Variants in RALYL observed in about 807,000 individuals in gnomAD.
The protein encoded by RALYL is RALY RNA binding protein like, also known as RNA-binding Raly-like protein.
Under a neutral mutation model 35.1 loss-of-function variants are expected in RALYL, and 29 were observed. That is an observed-to-expected ratio of 0.83 (90% CI 0.61 to 1.13). RALYL has a LOEUF of 1.13. Among genes scored for constraint, RALYL ranks in the 50% most tolerant of loss-of-function variants. RALYL has a pLI of 0.00. For missense variants in RALYL, 359 were observed against 360.4 expected (o/e 1.00, Z 0.03); for synonymous variants, 120 against 127.6 (o/e 0.94, Z 0.40).
At chr8:84,436,814 T>C (rs2047781706) in intron 1 of RALYL, among the ~76,000 whole-genome samples, 1 of 151,386 alleles carries the variant, frequency 6.6e-6, no homozygotes, top group Non-Finnish European at 1.5e-5. Context: ...TCTCCTATTT[T>C]GTTGTAAGGA....
At chr8:84,457,661 C>A (rs867401135) in intron 1 of RALYL, among the ~76,000 whole-genome samples, 2 of 151,776 alleles carry the variant, frequency 1.3e-5, no homozygotes, top group Admixed American at 6.6e-5. Flanking sequence ...CTTGTCTTAA[C>A]CTCAGTATTA....
chr8:84,347,575 C>A (rs370003796), intron 1 of RALYL, among the ~76,000 whole-genome samples: 16 of 152,206 alleles, frequency 1.1e-4, no homozygotes, highest in African/African-American at 3.6e-4. Flanking sequence ...TAGTTTTAAT[C>A]TAATATATCC....
At chr8:84,713,207 G>T (rs1488544118) in intron 2 of RALYL, among the ~76,000 whole-genome samples, 1 of 151,918 alleles carries the variant, frequency 6.6e-6, no homozygotes, top group Non-Finnish European at 1.5e-5. Flanking sequence ...TTATTGAAGA[G>T]ACTATACTTT....
intron 1 of RALYL, among the ~76,000 whole-genome samples, chr8:84,448,047 C>T (rs1402332865): frequency 6.6e-6 from 1 of 151,886 alleles, no homozygotes; most frequent in Non-Finnish European, 1.5e-5. Context: ...ATTTTGTTTA[C>T]TAGATCATTT....
At position 84,559,243 on chromosome 8, in the gene RALYL, TTAATG is replaced by T. The variant is rs1489068011; in HGVS notation, c.256+29670_256+29674del. ...TTTTTAATAGTGGGTTTATAAGTAT[TTAATG>T]TAAGAATTATTTTGAAATCATAAAA... On this transcript the variant is annotated intron_variant, in intron 2 of 8. Coordinates refer to ENST00000521268, the MANE Select transcript of RALYL (RefSeq NM_173848.7). Among the ~76,000 whole-genome samples, 15 of 152,162 alleles carry T rather than the reference TTAATG, an allele frequency of 9.9e-5. No homozygotes were observed. The East Asian group carries it at 2.1e-3, about 22-fold the overall frequency.
chr8:84,825,698 T>C (rs1386572828), intron 4 of RALYL, among the ~76,000 whole-genome samples: 2 of 151,982 alleles, frequency 1.3e-5, no homozygotes, highest in African/African-American at 2.4e-5. Flanking sequence ...TGAAACCCCA[T>C]CTCTACTAAA....
chr8:84,269,897 A>G (rs1833983746), intron 1 of RALYL, among the ~76,000 whole-genome samples: 1 of 152,132 alleles, frequency 6.6e-6, no homozygotes, highest in Non-Finnish European at 1.5e-5. Context: ...ATATTTTAAA[A>G]TTATAGTAGA....
chr8:84,313,005 C>T (rs1368082333), intron 1 of RALYL, among the ~76,000 whole-genome samples: 1 of 152,210 alleles, frequency 6.6e-6, no homozygotes, highest in East Asian at 1.9e-4. Flanking sequence ...CCAGGCATTT[C>T]CATACATCCT....
At chr8:84,332,113 G>A (rs945707054) in intron 1 of RALYL, among the ~76,000 whole-genome samples, 2 of 151,864 alleles carry the variant, frequency 1.3e-5, no homozygotes, top group Admixed American at 1.3e-4. Context: ...TCTTACTGCT[G>A]CAGGCAACGT....
intron 1 of RALYL, among the ~76,000 whole-genome samples, chr8:84,487,406 G>C (rs901731022): frequency 6.6e-6 from 1 of 152,164 alleles, no homozygotes; most frequent in African/African-American, 2.4e-5. Context: ...TACATTTGCA[G>C]AATTCAAGTT....
At chr8:84,478,032 TTATTTA>T (rs530807947) in intron 1 of RALYL, among the ~76,000 whole-genome samples, 12 of 152,132 alleles carry the variant, frequency 7.9e-5, no homozygotes, top group East Asian at 1.9e-4. Context: ...AACAGTATTT[TTATTTA>T]TATTTTTAAT....
In RALYL at chr8:84,294,422, T is replaced by C. The variant is rs112853814; in HGVS notation, c.-24+109998T>C. On this transcript the variant is annotated intron_variant, in intron 1 of 8. Coordinates refer to ENST00000521268, the MANE Select transcript of RALYL (RefSeq NM_173848.7). ...AATGCTTGCTTATTGGTATCTTCAGTTTCATATGAGGATAATAGTAGTATC... is the reference window on the plus strand; with the variant it reads ...AATGCTTGCTTATTGGTATCTTCAGCTTCATATGAGGATAATAGTAGTATC... Among the ~76,000 whole-genome samples the C allele has an allele frequency of 4.2e-4, 64 of 152,262 alleles. 1 individual carries two copies. The highest frequency in any genetic ancestry group is 1.5e-3 in the African/African-American group (63 of 41,564).
intron 1 of RALYL, among the ~76,000 whole-genome samples, chr8:84,254,058 G>A (rs1379176040): frequency 3.3e-5 from 5 of 152,056 alleles, no homozygotes; most frequent in African/African-American, 4.8e-5. Context: ...TCAAGTCCTG[G>A]GGACCGCCAC....
intron 1 of RALYL, among the ~76,000 whole-genome samples, chr8:84,506,060 G>A (rs2057139252): frequency 6.6e-6 from 1 of 151,920 alleles, no homozygotes; most frequent in Non-Finnish European, 1.5e-5. Context: ...AATTGATCAC[G>A]ACATTAGAAT....
At position 84,575,374 on chromosome 8, in the gene RALYL, C is replaced by A. The variant is rs183121915; in HGVS notation, c.256+45797C>A. The stretch of plus-strand genomic sequence containing the variant: ...TAAGATAATTTGAAAGACTTACTTT[C>A]TTCTATAGAATTATAAAAGCAGTAT... On this transcript the variant is annotated intron_variant, in intron 2 of 8. Transcript: ENST00000521268. Among the ~76,000 whole-genome samples, 520 of 152,200 alleles carry A rather than the reference C, an allele frequency of 3.4e-3. 2 individuals carry two copies. Among genetic ancestry groups the A allele is most frequent in the Non-Finnish European group, 5.9e-3 (401 of 67,964 alleles).
chr8:84,386,424 A>G (rs1257980696), intron 1 of RALYL, among the ~76,000 whole-genome samples: 2 of 151,922 alleles, frequency 1.3e-5, no homozygotes, highest in Non-Finnish European at 2.9e-5. Context: ...TATAATTGTT[A>G]ATTTTAACAA....
intron 2 of RALYL, among the ~76,000 whole-genome samples, chr8:84,753,822 G>A (rs1169410155): frequency 6.6e-6 from 1 of 152,022 alleles, no homozygotes. Context: ...CCAAATGTGA[G>A]GTAATGTCTT....
chr8:84,559,074 T>C (rs1387227714), intron 2 of RALYL, among the ~76,000 whole-genome samples: 1 of 152,104 alleles, frequency 6.6e-6, no homozygotes, highest in African/African-American at 2.4e-5. Flanking sequence ...GCACTTTCTG[T>C]TTGTGTGGTT....
chr8:84,502,695 A>G (rs1017320221), intron 1 of RALYL, among the ~76,000 whole-genome samples: 2 of 152,030 alleles, frequency 1.3e-5, no homozygotes, highest in African/African-American at 4.8e-5. Flanking sequence ...GCAAATATGA[A>G]TTTATAATGA....
Sources: allele counts gnomAD v4.1 joint callset (sites outside exome capture counted in the v4.1 genomes callset), GRCh38; gene constraint gnomAD v4.1.1; transcripts MANE v1.5; gene names NCBI Gene and HGNC (gene_info 2026-07-23, HGNC 2026-07-21).